ZNF215: variants seen among roughly 807,000 people sequenced by gnomAD.
ZNF215 encodes BWSCR2-associated zinc finger protein 2.
ZNF215 carries 24 observed loss-of-function variants against 27.2 expected under a neutral mutation model. That is an observed-to-expected ratio of 0.88 (90% CI 0.64 to 1.24). The LOEUF (loss-of-function observed/expected upper bound fraction) is 1.24. Ranked by LOEUF, ZNF215 falls within the 50% of genes most tolerant of loss-of-function variation. The probability of loss-of-function intolerance (pLI) is 0.00; values close to 1 mark genes in which losing one functional copy is unlikely to be tolerated. For synonymous variants in ZNF215, 210 were observed against 204.0 expected, an observed-to-expected ratio of 1.03 and a Z score of -0.25; for missense variants, 675 against 605.7, an observed-to-expected ratio of 1.11 and a Z score of -1.20.
chr11:6,985,456 T>C (rs560746593), downstream of ZNF215, among the ~76,000 whole-genome samples: 5 of 152,200 alleles, frequency 3.3e-5, no homozygotes, highest in South Asian at 4.2e-4. Flanking sequence ...AGGCAAAATC[T>C]AGAACCATTC....
chr11:6,969,938 G>T (rs1273187530), intron 5 of ZNF215, among the ~76,000 whole-genome samples: 8 of 152,028 alleles, frequency 5.3e-5, no homozygotes, highest in African/African-American at 1.9e-4. Flanking sequence ...CCACCACCAT[G>T]CCTGGCTAAT....
intron 5 of ZNF215, among the ~76,000 whole-genome samples, chr11:6,979,262 G>C (rs1472885384): frequency 1.3e-5 from 2 of 151,894 alleles, no homozygotes; most frequent in Admixed American, 6.6e-5. Context: ...AATGTTGAAA[G>C]GATAAAGGAA....
chr11:6,987,868 G>T (rs890736796), downstream of ZNF215, among the ~76,000 whole-genome samples: 1 of 152,176 alleles, frequency 6.6e-6, no homozygotes, highest in African/African-American at 2.4e-5. Flanking sequence ...CAGCATGGAG[G>T]GAGGAAGGAC....
intron 5 of ZNF215, among the ~76,000 whole-genome samples, chr11:6,983,116 A>C (rs1284510198): frequency 1.3e-5 from 2 of 152,194 alleles, no homozygotes; most frequent in East Asian, 3.8e-4. Context: ...ACCATCAGAG[A>C]ATACTACAAA....
At chr11:6,958,850 C>T (rs888045504), downstream of ZNF215, among the ~76,000 whole-genome samples, 6 of 152,146 alleles carry the variant, frequency 3.9e-5, no homozygotes, top group African/African-American at 1.4e-4. Flanking sequence ...AGGAAGCATC[C>T]GGAACTGGAC....
intron 2 of ZNF215, among the ~76,000 whole-genome samples, chr11:6,931,461 T>A (rs1354504546): frequency 1.3e-5 from 2 of 152,262 alleles, no homozygotes; most frequent in African/African-American, 4.8e-5. Flanking sequence ...GTGCCAAATA[T>A]GACCTATGGT....
chr11:6,962,155 T>G (rs187431905), downstream of ZNF215, among the ~76,000 whole-genome samples: 15 of 152,306 alleles, frequency 9.8e-5, no homozygotes, highest in East Asian at 3.9e-4. Context: ...AAGGGTTTTT[T>G]TTTGTTTGTT....
At chr11:6,993,253 C>T (rs181383812), downstream of ZNF215, among the ~76,000 whole-genome samples, 19 of 152,286 alleles carry the variant, frequency 1.2e-4, no homozygotes, top group Middle Eastern at 6.8e-3. Context: ...TCTCTTCTCA[C>T]TGTACTCTGC....
chr11:6,984,022 G>T (rs1851012648), intron 5 of ZNF215: 1 of 332,066 alleles, frequency 3.0e-6, no homozygotes, highest in Admixed American at 4.4e-5. Context: ...ATTGGTAAAG[G>T]ATATAAAAAT....
chr11:6,926,464 C>A lies in ZNF215; in HGVS notation c.-547C>A, dbSNP rs1849041230. On this transcript the variant is annotated 5_prime_UTR_variant, in exon 1 of 7. Transcript: ENST00000278319. Reference sequence around the variant, plus strand: ...GCTGGCAAAGGCCTGGTCTACCTCACCGATCCGGGTCGCGGGGGCTCCTAG... The same window carrying A: ...GCTGGCAAAGGCCTGGTCTACCTCAACGATCCGGGTCGCGGGGGCTCCTAG... 1 of 152,376 alleles carries A rather than the reference C, an allele frequency of 6.6e-6. No homozygotes were observed. Among genetic ancestry groups the A allele is most frequent in the Non-Finnish European group, 1.5e-5 (1 of 68,158 alleles). The allele number at this position is 152,376 out of a possible 1,614,324, so 9.4% of individuals were successfully genotyped here.
chr11:6,949,382 C>T (rs1186479670), intron 6 of ZNF215, among the ~76,000 whole-genome samples: 1 of 152,106 alleles, frequency 6.6e-6, no homozygotes, highest in Non-Finnish European at 1.5e-5. Context: ...AAAAGTGTTC[C>T]TGTTTCTCCA....
At chr11:6,970,844 G>T (rs1850705213) in intron 5 of ZNF215, among the ~76,000 whole-genome samples, 1 of 152,112 alleles carries the variant, frequency 6.6e-6, no homozygotes, top group African/African-American at 2.4e-5. Flanking sequence ...GCAGGTACAT[G>T]TATACATGTG....
chr11:6,980,287 AT>A (rs1299572486), intron 5 of ZNF215, among the ~76,000 whole-genome samples: 1 of 151,828 alleles, frequency 6.6e-6, no homozygotes, highest in African/African-American at 2.4e-5. Context: ...TAATAAATGA[AT>A]TAAACATATG....
chr11:6,946,700 C>T (rs1172448293), intron 6 of ZNF215, among the ~76,000 whole-genome samples: 1 of 152,210 alleles, frequency 6.6e-6, no homozygotes, highest in African/African-American at 2.4e-5. Context: ...CAGCACCTTA[C>T]TCTTCCTTTT....
intron 5 of ZNF215, among the ~76,000 whole-genome samples, chr11:6,980,570 A>T (rs1473153309): frequency 6.6e-6 from 1 of 151,902 alleles, no homozygotes; most frequent in Non-Finnish European, 1.5e-5. Flanking sequence ...TCAGCCAGTC[A>T]TTTGAAAAAT....
chr11:6,941,740 C>T (rs10839663), intron 4 of ZNF215, 87 bp downstream of exon 4: 500,548 of 1,374,902 alleles, frequency 0.36, 93,457 homozygotes, highest in South Asian at 0.48. Context: ...GAACTTGTGC[C>T]AAACATGGTT....
intron 5 of ZNF215, among the ~76,000 whole-genome samples, chr11:6,976,298 T>C (rs1255785749): frequency 6.6e-6 from 1 of 152,030 alleles, no homozygotes; most frequent in Non-Finnish European, 1.5e-5. Flanking sequence ...ATAAAATTGA[T>C]TTATTTTCCA....
downstream of ZNF215, among the ~76,000 whole-genome samples, chr11:6,990,790 T>G (rs1239075306): frequency 6.8e-5 from 2 of 29,204 alleles, no homozygotes; most frequent in Non-Finnish European, 8.5e-5. Flanking sequence ...AAAGGGGACT[T>G]TGAAAAAGAA....
intron 3 of ZNF215, among the ~76,000 whole-genome samples, chr11:6,933,812 A>G (rs1259184370): frequency 9.7e-5 from 2 of 20,558 alleles, no homozygotes; most frequent in Non-Finnish European, 2.2e-4. Context: ...AAAAAAAAAA[A>G]AGCTGGTCTA....
Sources: gnomAD v4.1 joint callset for allele counts (sites outside exome capture counted in the v4.1 genomes callset) on GRCh38, gnomAD v4.1.1 for gene constraint, MANE v1.5 for transcripts, NCBI Gene and HGNC (gene_info 2026-07-23, HGNC 2026-07-21) for gene names.